Variants in PRKN observed in about 807,000 individuals in gnomAD.
The protein encoded by PRKN is parkin RBR E3 ubiquitin protein ligase.
In PRKN, 56 loss-of-function variants were observed where a neutral mutation model predicts 59.5. The observed-to-expected ratio is 0.94, with a 90% CI of 0.76 to 1.18. PRKN has a LOEUF of 1.18. Among genes scored for constraint, PRKN ranks in the 50% most tolerant of loss-of-function variants. The pLI is 0.00. For missense variants in PRKN, 657 were observed against 596.4 expected (o/e 1.10, Z -1.06); for synonymous variants, 250 against 222.1 (o/e 1.13, Z -1.12).
At chr6:161,887,975 T>A (rs778657728) in intron 6 of PRKN, among the ~76,000 whole-genome samples, 5 of 152,208 alleles carry the variant, frequency 3.3e-5, no homozygotes, top group Non-Finnish European at 5.9e-5. Flanking sequence ...ATGTATATCC[T>A]CACCCTTTAA....
At chr6:162,112,652 A>G (rs1295207712) in intron 4 of PRKN, among the ~76,000 whole-genome samples, 3 of 152,100 alleles carry the variant, frequency 2.0e-5, no homozygotes, top group African/African-American at 7.2e-5. Context: ...GCAGTGGCTC[A>G]TGTGTATAAT....
chr6:162,220,987 T>C (rs1210966430), intron 3 of PRKN, among the ~76,000 whole-genome samples: 2 of 152,174 alleles, frequency 1.3e-5, no homozygotes, highest in Non-Finnish European at 2.9e-5. Context: ...CTCTGGTGAG[T>C]GTTTATTTTC....
chr6:161,856,700 G>C (rs1793669817), intron 6 of PRKN, among the ~76,000 whole-genome samples: 1 of 152,050 alleles, frequency 6.6e-6, no homozygotes, highest in Non-Finnish European at 1.5e-5. Context: ...AATCATCCCT[G>C]TTCTGAAGCT....
intron 6 of PRKN, among the ~76,000 whole-genome samples, chr6:161,967,632 A>G (rs1449596100): frequency 6.6e-6 from 1 of 152,222 alleles, no homozygotes; most frequent in South Asian, 2.1e-4. Context: ...TCTTACTTTC[A>G]TTAGTACTGA....
At chr6:161,389,019 A>C (rs1217316170) in intron 9 of PRKN, among the ~76,000 whole-genome samples, 1 of 152,242 alleles carries the variant, frequency 6.6e-6, no homozygotes, top group African/African-American at 2.4e-5. Flanking sequence ...GAGACTTACA[A>C]GTTCTCAAAC....
Position 161,544,550 on chromosome 6 carries a change from G to C in PRKN, c.1083+4304C>G, listed in dbSNP as rs564095170. Among the ~76,000 whole-genome samples the C allele has an allele frequency of 2.0e-5, 3 of 151,656 alleles. No homozygotes were observed. Among genetic ancestry groups the C allele is most frequent in the African/African-American group, 7.3e-5 (3 of 41,300 alleles). On this transcript the variant is annotated intron_variant, in intron 9 of 11. Coordinates refer to ENST00000366898, the MANE Select transcript of PRKN (RefSeq NM_004562.3). This position sits in a 1 kb window ranked among gnomAD's most constrained non-coding sequence, Gnocchi z 5.5. Reference sequence around the variant, plus strand: ...CATTCATTCATTCATTCATACATTTGATGAATGTTAAACACCAAATACATG... The same window carrying C: ...CATTCATTCATTCATTCATACATTTCATGAATGTTAAACACCAAATACATG...
At chr6:161,618,927 G>C (rs1466772196) in intron 7 of PRKN, among the ~76,000 whole-genome samples, 1 of 152,134 alleles carries the variant, frequency 6.6e-6, no homozygotes. Context: ...GAGCTGCCAA[G>C]CTGACTTCGC....
chr6:161,772,285 T>C (rs1789727071), intron 7 of PRKN, among the ~76,000 whole-genome samples: 1 of 152,188 alleles, frequency 6.6e-6, no homozygotes, highest in South Asian at 2.1e-4. Context: ...TGGAATAAAG[T>C]TCTGACTAGT....
At chr6:162,371,776 A>T (rs781526564) in intron 2 of PRKN, among the ~76,000 whole-genome samples, 1 of 152,058 alleles carries the variant, frequency 6.6e-6, no homozygotes, top group Non-Finnish European at 1.5e-5. Context: ...ATGCCAACAA[A>T]TTGGGTAATT....
At chr6:162,415,406 A>C (rs1479130675) in intron 2 of PRKN, among the ~76,000 whole-genome samples, 1 of 152,216 alleles carries the variant, frequency 6.6e-6, no homozygotes, top group Non-Finnish European at 1.5e-5. Flanking sequence ...CAAATCTTCA[A>C]AAGGTAGAAA....
Position 161,560,023 on chromosome 6 carries a change from A to C in PRKN, c.933+9332T>G, listed in dbSNP as rs1237578754. Among the ~76,000 whole-genome samples the C allele has an allele frequency of 6.6e-6, 1 of 150,814 alleles. No homozygotes were observed. Among genetic ancestry groups the C allele is most frequent in the African/African-American group, 2.4e-5 (1 of 41,356 alleles). ...CCTACGTCCCTCCAAAGATCATCAC[A>C]ATGCATCCCTCATGCCCCACATCAT... On this transcript the variant is annotated intron_variant, in intron 8 of 11. Coordinates refer to ENST00000366898, the MANE Select transcript of PRKN (RefSeq NM_004562.3). This position sits in a 1 kb window ranked among gnomAD's most constrained non-coding sequence, Gnocchi z 4.9.
intron 6 of PRKN, among the ~76,000 whole-genome samples, chr6:161,805,362 C>G (rs1341642183): frequency 6.6e-6 from 1 of 152,070 alleles, no homozygotes; most frequent in African/African-American, 2.4e-5. Context: ...CTCATCACAT[C>G]TGGAAGCGTT....
chr6:162,255,755 C>G (rs942110242), intron 3 of PRKN, among the ~76,000 whole-genome samples: 4 of 152,132 alleles, frequency 2.6e-5, no homozygotes, highest in African/African-American at 9.7e-5. Flanking sequence ...TGAATGCGCT[C>G]AAGGATTCAA....
At chr6:162,591,677 A>C (rs1781312895) in intron 1 of PRKN, among the ~76,000 whole-genome samples, 1 of 152,126 alleles carries the variant, frequency 6.6e-6, no homozygotes, top group African/African-American at 2.4e-5. Context: ...TGAGGTATTG[A>C]ATACATTAAG....
chr6:162,450,941 G>A (rs1790595986), intron 1 of PRKN, among the ~76,000 whole-genome samples: 1 of 152,136 alleles, frequency 6.6e-6, no homozygotes, highest in Non-Finnish European at 1.5e-5. Flanking sequence ...GTTTAAAATA[G>A]GGAAACTGGG....
chr6:161,785,997 G>C (rs570965774), intron 6 of PRKN, 89 bp from the exon 7 acceptor site: 41 of 1,329,076 alleles, frequency 3.1e-5, no homozygotes, highest in Non-Finnish European at 4.3e-6. Flanking sequence ...AATCCTGGAG[G>C]GTTGTGTAGA....
intron 6 of PRKN, among the ~76,000 whole-genome samples, chr6:161,795,226 T>G (rs1265459531): frequency 2.6e-5 from 1 of 38,206 alleles, no homozygotes; most frequent in Admixed American, 4.1e-4. Flanking sequence ...CTGTTTTCTT[T>G]TCTTTTTTTT....
intron 3 of PRKN, among the ~76,000 whole-genome samples, chr6:162,244,508 T>G (rs1184055289): frequency 6.6e-6 from 1 of 152,104 alleles, no homozygotes; most frequent in African/African-American, 2.4e-5. Flanking sequence ...AGTTTCTCAT[T>G]GAGTAGCTCC....
chr6:161,733,795 T>TATATATATATATATAC (rs1411561716), intron 7 of PRKN, among the ~76,000 whole-genome samples: 3 of 75,486 alleles, frequency 4.0e-5, no homozygotes, highest in African/African-American at 1.5e-4. Context: ...TATATATATA[T>TATATATATATATATAC]ATGTATATAT....
Sources: allele counts gnomAD v4.1 joint callset (sites outside exome capture counted in the v4.1 genomes callset), GRCh38; gene constraint gnomAD v4.1.1; non-coding constraint Gnocchi (gnomAD v3.1); transcripts MANE v1.5; gene names NCBI Gene and HGNC (gene_info 2026-07-23, HGNC 2026-07-21).